The following TRAPPC9 variants were observed in gnomAD, a reference collection of about 807,000 sequenced individuals.
TRAPPC9 encodes the protein trafficking protein particle complex subunit 9.
Under a neutral mutation model 124.0 loss-of-function variants are expected in TRAPPC9, and 83 were observed. The observed-to-expected ratio is 0.67, with a 90% CI of 0.56 to 0.80. The LOEUF (loss-of-function observed/expected upper bound fraction) is 0.80, where lower values mean the gene tolerates loss of function less well. Ranked by LOEUF, TRAPPC9 falls within the 30% of genes least tolerant of loss-of-function variation. The probability of loss-of-function intolerance (pLI) is 0.00; values close to 1 mark genes in which losing one functional copy is unlikely to be tolerated. For synonymous variants in TRAPPC9, 638 were observed against 617.5 expected, an observed-to-expected ratio of 1.03 and a Z score of -0.49; for missense variants, 1,302 against 1,508.3, an observed-to-expected ratio of 0.86 and a Z score of 2.27.
intron 21 of TRAPPC9, among the ~76,000 whole-genome samples, chr8:139,836,143 G>A (rs1321939597): frequency 6.6e-6 from 1 of 152,008 alleles, no homozygotes; most frequent in Non-Finnish European, 1.5e-5. Flanking sequence ...TGAGTAGCTG[G>A]AATTACAGGC....
At chr8:139,822,962 C>T (rs1030226965) in intron 21 of TRAPPC9, among the ~76,000 whole-genome samples, 5 of 152,142 alleles carry the variant, frequency 3.3e-5, no homozygotes, top group Middle Eastern at 3.2e-3. Context: ...GCTGGCAGTC[C>T]GCTAACCTGC....
chr8:140,176,433 C>T (rs1182929236), intron 17 of TRAPPC9, among the ~76,000 whole-genome samples: 1 of 152,198 alleles, frequency 6.6e-6, no homozygotes, highest in Non-Finnish European at 1.5e-5. Context: ...TGCATTCTTT[C>T]GTGTCTTGCT....
intron 1 of TRAPPC9, among the ~76,000 whole-genome samples, chr8:140,454,202 T>C (rs2071570470): frequency 6.6e-6 from 1 of 151,902 alleles, no homozygotes; most frequent in South Asian, 2.1e-4. Context: ...GGCAGGAGAA[T>C]TGCTTGAACT....
intron 19 of TRAPPC9, among the ~76,000 whole-genome samples, chr8:139,911,672 T>C (rs1242322576): frequency 6.6e-6 from 1 of 151,316 alleles, no homozygotes; most frequent in African/African-American, 2.4e-5. Flanking sequence ...GCCACTGCAC[T>C]CCAGCCTAAA....
At chr8:140,141,306 G>A (rs7011960) in intron 17 of TRAPPC9, among the ~76,000 whole-genome samples, 4 of 152,090 alleles carry the variant, frequency 2.6e-5, no homozygotes, top group Non-Finnish European at 5.9e-5. Context: ...ATCTCTCACC[G>A]CCCTGCTCTC....
intron 17 of TRAPPC9, among the ~76,000 whole-genome samples, chr8:140,125,729 G>A (rs1225604575): frequency 6.6e-6 from 1 of 151,566 alleles, no homozygotes; most frequent in African/African-American, 2.4e-5. Flanking sequence ...TGAGTAGCTG[G>A]GATTACAGGT....
At chr8:139,755,287 G>A (rs1238028373) in intron 21 of TRAPPC9, among the ~76,000 whole-genome samples, 1 of 150,886 alleles carries the variant, frequency 6.6e-6, no homozygotes, top group African/African-American at 2.5e-5. Context: ...GCGTGTCGCA[G>A]GAGGAGCCAG....
chr8:139,778,802 T>A (rs1470793254), intron 21 of TRAPPC9, among the ~76,000 whole-genome samples: 4 of 152,124 alleles, frequency 2.6e-5, no homozygotes, highest in Admixed American at 2.6e-4. Context: ...TGAACACAGC[T>A]GTAACTGGAG....
chr8:140,060,272 G>A (rs1397846879), intron 17 of TRAPPC9, among the ~76,000 whole-genome samples: 2 of 152,146 alleles, frequency 1.3e-5, no homozygotes, highest in African/African-American at 2.4e-5. Context: ...GGTGTCCCAC[G>A]AGGTCCCTCC....
At chr8:140,414,290 T>G (rs2069821562) in intron 5 of TRAPPC9, among the ~76,000 whole-genome samples, 1 of 151,976 alleles carries the variant, frequency 6.6e-6, no homozygotes, top group Non-Finnish European at 1.5e-5. Context: ...TCCCAGCACT[T>G]TGGGAGGCTA....
intron 15 of TRAPPC9, among the ~76,000 whole-genome samples, chr8:140,256,180 C>T (rs2064253517): frequency 6.6e-6 from 1 of 152,204 alleles, no homozygotes; most frequent in South Asian, 2.1e-4. Flanking sequence ...AAACCCGCTT[C>T]AACACACAAC....
At chr8:140,126,020 C>G (rs2061090212) in intron 17 of TRAPPC9, among the ~76,000 whole-genome samples, 1 of 152,104 alleles carries the variant, frequency 6.6e-6, no homozygotes, top group Non-Finnish European at 1.5e-5. Flanking sequence ...GATCCGCCAG[C>G]CTCGGCCTCC....
At chr8:139,827,306 G>A (rs1825704224) in intron 21 of TRAPPC9, among the ~76,000 whole-genome samples, 1 of 152,222 alleles carries the variant, frequency 6.6e-6, no homozygotes, top group African/African-American at 2.4e-5. Context: ...CATGTGTCTG[G>A]CACATGCTAG....
chr8:140,099,747 G>A (rs2060538506), intron 17 of TRAPPC9: 1 of 149,726 alleles, frequency 6.7e-6, no homozygotes, highest in Non-Finnish European at 1.5e-5. Flanking sequence ...GCCTTCCACA[G>A]GGTAGGAACA....
chr8:140,448,199 C>T (rs530652585), intron 2 of TRAPPC9, among the ~76,000 whole-genome samples: 3 of 148,032 alleles, frequency 2.0e-5, no homozygotes, highest in African/African-American at 5.0e-5. Context: ...AAAGCAACAA[C>T]AGGTTACCCA....
intron 19 of TRAPPC9, among the ~76,000 whole-genome samples, chr8:139,943,992 T>A (rs1834064583): frequency 6.6e-6 from 1 of 152,204 alleles, no homozygotes; most frequent in Non-Finnish European, 1.5e-5. Context: ...AAAACACATG[T>A]GTTCAAAGAA....
chr8:140,067,543 C>T (rs926452172), intron 17 of TRAPPC9, among the ~76,000 whole-genome samples: 7 of 152,156 alleles, frequency 4.6e-5, no homozygotes, highest in South Asian at 2.1e-4. Context: ...TGTCCACTTA[C>T]GTGAGGACAG....
At chr8:139,957,582 T>C (rs1835084195) in intron 19 of TRAPPC9, among the ~76,000 whole-genome samples, 1 of 152,088 alleles carries the variant, frequency 6.6e-6, no homozygotes, top group South Asian at 2.1e-4. Flanking sequence ...GTGTGCTCAG[T>C]ACACAGAGCT....
At chr8:140,391,913 C>G (rs1285317868) in intron 7 of TRAPPC9, among the ~76,000 whole-genome samples, 1 of 151,788 alleles carries the variant, frequency 6.6e-6, no homozygotes, top group Non-Finnish European at 1.5e-5. Context: ...GTAATCCCAG[C>G]TACTCGGGAG....
Sources: gnomAD v4.1 joint callset for allele counts (sites outside exome capture counted in the v4.1 genomes callset) on GRCh38, gnomAD v4.1.1 for gene constraint, MANE v1.5 for transcripts, NCBI Gene and HGNC (gene_info 2026-07-23, HGNC 2026-07-21) for gene names.